Variants in TMTC1 observed in about 807,000 individuals in gnomAD.
TMTC1 encodes transmembrane O-mannosyltransferase targeting cadherins 1.
A neutral mutation model predicts 104.8 loss-of-function variants in TMTC1; 73 were observed. That is an observed-to-expected ratio of 0.70 (90% CI 0.58 to 0.85). TMTC1 has a LOEUF of 0.85. Among genes scored for constraint, TMTC1 ranks in the 40% least tolerant of loss-of-function variants. The probability of loss-of-function intolerance (pLI) is 0.00; values close to 1 mark genes in which losing one functional copy is unlikely to be tolerated. For synonymous variants in TMTC1, 434 were observed against 428.7 expected (o/e 1.01, Z -0.15); for missense variants, 1,035 against 1,096.1 (o/e 0.94, Z 0.79).
intron 17 of TMTC1, among the ~76,000 whole-genome samples, chr12:29,507,509 T>C (rs1943725078): frequency 6.6e-6 from 1 of 152,250 alleles, no homozygotes; most frequent in South Asian, 2.1e-4. Flanking sequence ...ATAAAGTTTT[T>C]TGCAATGAAA....
intron 7 of TMTC1, among the ~76,000 whole-genome samples, chr12:29,599,993 CATAT>C (rs71444331): frequency 1.2e-5 from 1 of 81,836 alleles, no homozygotes; most frequent in African/African-American, 6.6e-5. Context: ...TGTGTATATA[CATAT>C]ATATATATAT....
intron 7 of TMTC1, among the ~76,000 whole-genome samples, chr12:29,584,515 A>C (rs575074089): frequency 1.0e-3 from 159 of 151,988 alleles, no homozygotes; most frequent in African/African-American, 3.6e-3. Flanking sequence ...ATATGTATAC[A>C]TGTGTCACGT....
chr12:29,771,209 A>G (rs1943587477), intron 1 of TMTC1, among the ~76,000 whole-genome samples: 1 of 152,212 alleles, frequency 6.6e-6, no homozygotes, highest in Admixed American at 6.5e-5. Context: ...ATGTACCAGA[A>G]GAACTAACTG....
At chr12:29,690,988 G>A (rs1356603953) in intron 5 of TMTC1, among the ~76,000 whole-genome samples, 1 of 152,270 alleles carries the variant, frequency 6.6e-6, no homozygotes, top group East Asian at 1.9e-4. Context: ...CTAACTTTGG[G>A]AAGGAATTCA....
chr12:29,643,647 G>C (rs868838455), intron 5 of TMTC1, among the ~76,000 whole-genome samples: 3 of 4,152 alleles, frequency 7.2e-4, no homozygotes, highest in African/African-American at 2.1e-3. Flanking sequence ...TAATATATAT[G>C]TTATATTATA....
intron 5 of TMTC1, among the ~76,000 whole-genome samples, chr12:29,699,953 G>A (rs975247873): frequency 6.6e-6 from 1 of 151,944 alleles, no homozygotes; most frequent in African/African-American, 2.4e-5. Flanking sequence ...TCATCTGGTA[G>A]CTTTGATCCC....
intron 8 of TMTC1, among the ~76,000 whole-genome samples, chr12:29,581,411 T>C (rs1945976615): frequency 6.6e-6 from 1 of 152,236 alleles, no homozygotes; most frequent in Admixed American, 6.5e-5. Context: ...AAAATTTGAT[T>C]GGACCACCAA....
chr12:29,767,867 C>A (rs375410227), intron 2 of TMTC1, 31 bp downstream of exon 2: 32 of 1,604,410 alleles, frequency 2.0e-5, no homozygotes, highest in Non-Finnish European at 2.6e-5. Flanking sequence ...CATTCATATT[C>A]GTTATTTCAC....
At chr12:29,578,422 G>A (rs768223754) in intron 8 of TMTC1, among the ~76,000 whole-genome samples, 1 of 152,064 alleles carries the variant, frequency 6.6e-6, no homozygotes, top group Non-Finnish European at 1.5e-5. Context: ...TAGTCTCCCT[G>A]TTTGCTTTTT....
At chr12:29,518,894 C>T (rs1944068583) in intron 12 of TMTC1, among the ~76,000 whole-genome samples, 1 of 152,120 alleles carries the variant, frequency 6.6e-6, no homozygotes, top group Non-Finnish European at 1.5e-5. Context: ...TTTTTCTGGT[C>T]ATCGCTCTTG....
chr12:29,750,790 CAG>C (rs1279271912), intron 5 of TMTC1, among the ~76,000 whole-genome samples: 1 of 152,246 alleles, frequency 6.6e-6, no homozygotes, highest in Non-Finnish European at 1.5e-5. Context: ...AAACTCAACT[CAG>C]TGTAAATGGT....
intron 9 of TMTC1, among the ~76,000 whole-genome samples, chr12:29,560,323 C>T (rs1945346641): frequency 1.3e-5 from 2 of 152,188 alleles, no homozygotes; most frequent in African/African-American, 4.8e-5. Flanking sequence ...TATTCTTCAA[C>T]ATTTGAATTG....
intron 10 of TMTC1, among the ~76,000 whole-genome samples, chr12:29,543,342 G>A (rs184515967): frequency 2.6e-5 from 4 of 152,170 alleles, no homozygotes; most frequent in Non-Finnish European, 4.4e-5. Context: ...TCAATTTAGA[G>A]AACTTTTTGG....
Position 29,783,552 on chromosome 12 carries a change from G to A in TMTC1, c.200C>T (p.Ala67Val). The stretch of plus-strand genomic sequence containing the variant: ...GGTGAAGATGCCCCAGCGGAGCGGG[G>A]CGCCGGGCCGCACGTCGGGGTTGTT... Reference protein sequence around the residue: ...IVNNPDVRPGAPLRWGIFTND... With the variant: ...IVNNPDVRPGVPLRWGIFTND... Residue 67 changes from alanine (A) to valine (V), a missense_variant, in exon 1 of 18, where the codon GCC (alanine) becomes GTC (valine). Transcript: ENST00000539277. The surrounding 1 kb of genome is among the most constrained non-coding windows in gnomAD (Gnocchi z 4.7). The A allele has an allele frequency of 1.4e-6, 2 of 1,476,030 alleles. No homozygotes were observed. Among genetic ancestry groups the A allele is most frequent in the African/African-American group, 1.4e-5 (1 of 69,640 alleles). The allele number at this position is 1,476,030 out of a possible 1,614,324, so 91.4% of individuals were successfully genotyped here. A position where few individuals can be genotyped will look rare whatever the true frequency, so the allele number is the denominator to read the frequency against.
intron 10 of TMTC1, among the ~76,000 whole-genome samples, chr12:29,552,847 A>G (rs1318561771): frequency 1.3e-5 from 2 of 152,266 alleles, no homozygotes; most frequent in Non-Finnish European, 2.9e-5. Context: ...AATATTGTGT[A>G]CATCTTAAAG....
intron 15 of TMTC1, 111 bp downstream of exon 15, chr12:29,516,238 A>G (rs1943982052): frequency 7.4e-6 from 10 of 1,350,842 alleles, no homozygotes. Context: ...ATGCTGACGG[A>G]TAAGATTTAA....
At chr12:29,720,743 TA>T in intron 5 of TMTC1, among the ~76,000 whole-genome samples, 1 of 152,134 alleles carries the variant, frequency 6.6e-6, no homozygotes, top group East Asian at 1.9e-4. Flanking sequence ...GAGGCAGTAT[TA>T]AAACAGACAA....
intron 9 of TMTC1, among the ~76,000 whole-genome samples, chr12:29,567,677 T>A (rs1446347606): frequency 6.6e-6 from 1 of 152,198 alleles, no homozygotes; most frequent in Non-Finnish European, 1.5e-5. Context: ...GGTATCCAAG[T>A]CCACCTGTAG....
intron 6 of TMTC1, among the ~76,000 whole-genome samples, chr12:29,617,394 T>C (rs1328712253): frequency 6.6e-6 from 1 of 152,164 alleles, no homozygotes; most frequent in Non-Finnish European, 1.5e-5. Flanking sequence ...CATTGCCATC[T>C]AAAAAGATAG....
Sources: gnomAD v4.1 joint callset for allele counts (sites outside exome capture counted in the v4.1 genomes callset) on GRCh38, gnomAD v4.1.1 for gene constraint, Gnocchi (gnomAD v3.1) non-coding constraint, MANE v1.5 for transcripts, NCBI Gene and HGNC (gene_info 2026-07-23, HGNC 2026-07-21) for gene names.